Variants in SNRPG observed in about 807,000 individuals in gnomAD.
SNRPG encodes small nuclear ribonucleoprotein polypeptide G, also known as small nuclear ribonucleoprotein G.
In SNRPG, 3 loss-of-function variants were observed where a neutral mutation model predicts 13.9. That is an observed-to-expected ratio of 0.22 (90% CI 0.10 to 0.56). The LOEUF (loss-of-function observed/expected upper bound fraction) is 0.56. Ranked by LOEUF, SNRPG falls within the 20% of genes least tolerant of loss-of-function variation. The probability of loss-of-function intolerance (pLI) is 0.93; values close to 1 mark genes in which losing one functional copy is unlikely to be tolerated. For missense variants in SNRPG, 34 were observed against 96.1 expected (o/e 0.35, Z 2.70); for synonymous variants, 29 against 29.3 (o/e 0.99, Z 0.03).
chr2:70,285,400 T>C (rs993308767), intron 3 of SNRPG, among the ~76,000 whole-genome samples: 1 of 150,658 alleles, frequency 6.6e-6, no homozygotes, highest in East Asian at 1.9e-4. Flanking sequence ...AGTGAAACCC[T>C]GTCTCTACTA....
At chr2:70,283,767 A>C (rs1489660135) in intron 3 of SNRPG, among the ~76,000 whole-genome samples, 1 of 152,240 alleles carries the variant, frequency 6.6e-6, no homozygotes, top group Non-Finnish European at 1.5e-5. Flanking sequence ...GAGCAGATTT[A>C]AAAAAGAATG....
At chr2:70,283,096 C>CAAAAAAAAAAAAAAAAAA (rs57862220) in intron 3 of SNRPG, among the ~76,000 whole-genome samples, 8 of 14,032 alleles carry the variant, frequency 5.7e-4, no homozygotes, top group Admixed American at 2.3e-3. Flanking sequence ...TGTCTTTTGT[C>CAAAAAAAAAAAAAAAAAA]AAAAAAAAAA....
At chr2:70,285,321 C>G (rs1233656138) in intron 3 of SNRPG, among the ~76,000 whole-genome samples, 1 of 152,064 alleles carries the variant, frequency 6.6e-6, no homozygotes, top group Non-Finnish European at 1.5e-5. Flanking sequence ...CGCCTGTAAT[C>G]CCAGCACTTT....
chr2:70,289,220 TG>T, intron 2 of SNRPG, 129 bp downstream of exon 2: 3 of 543,252 alleles, frequency 5.5e-6, no homozygotes, highest in Non-Finnish European at 1.0e-5. Context: ...CCCAAAGTGC[TG>T]GGATTACAGC....
At chr2:70,289,422 G>T in intron 1 of SNRPG, 50 bp from the exon 2 acceptor site, 1 of 1,000,980 alleles carries the variant, frequency 1.0e-6, no homozygotes, top group Non-Finnish European at 1.5e-6. Context: ...AAAAATTTAA[G>T]CATAAACAAG....
chr2:70,287,560 C>T (rs1284429217), intron 3 of SNRPG, among the ~76,000 whole-genome samples: 2 of 152,316 alleles, frequency 1.3e-5, no homozygotes, highest in East Asian at 1.9e-4. Context: ...TTTACCTTGG[C>T]TACCTTAAAA....
At chr2:70,292,129 A>G (rs1311924810) in intron 1 of SNRPG, among the ~76,000 whole-genome samples, 1 of 151,696 alleles carries the variant, frequency 6.6e-6, no homozygotes, top group African/African-American at 2.4e-5. Context: ...TTGTATTTTT[A>G]TAGACACGGG....
intron 3 of SNRPG, among the ~76,000 whole-genome samples, chr2:70,282,976 C>G (rs1017248412): frequency 4.6e-5 from 7 of 151,716 alleles, no homozygotes; most frequent in African/African-American, 1.7e-4. Context: ...TGCCTGTAAT[C>G]CCAGCTACTC....
intron 3 of SNRPG, chr2:70,287,152 T>C (rs1696961631): frequency 1.7e-6 from 1 of 591,344 alleles, no homozygotes. Flanking sequence ...GAAAGAATGG[T>C]ATGTAAAAAA....
At chr2:70,286,850 T>A (rs1696954990) in intron 3 of SNRPG, among the ~76,000 whole-genome samples, 1 of 152,190 alleles carries the variant, frequency 6.6e-6, no homozygotes, top group Admixed American at 6.5e-5. Flanking sequence ...AAAAACCTAA[T>A]CTACCTTCTA....
intron 3 of SNRPG, 100 bp downstream of exon 3, chr2:70,287,968 C>T: frequency 9.2e-7 from 1 of 1,087,762 alleles, no homozygotes; most frequent in Non-Finnish European, 1.4e-6. Flanking sequence ...TCTAATCTTG[C>T]CTGTTATTTG....
chr2:70,286,426 A>G (rs923129410), intron 3 of SNRPG, among the ~76,000 whole-genome samples: 3 of 152,212 alleles, frequency 2.0e-5, no homozygotes, highest in Non-Finnish European at 4.4e-5. Context: ...TTGCCTTTTA[A>G]AATGTCTTTT....
At chr2:70,286,766 T>C (rs1218634140) in intron 3 of SNRPG, among the ~76,000 whole-genome samples, 1 of 152,248 alleles carries the variant, frequency 6.6e-6, no homozygotes, top group African/African-American at 2.4e-5. Context: ...TTCTCTAATC[T>C]TCTCAAAGCA....
At chr2:70,289,326 AC>A in intron 2 of SNRPG, 23 bp downstream of exon 2, 1 of 1,367,696 alleles carries the variant, frequency 7.3e-7, no homozygotes. Context: ...ATTAAAAAAA[AC>A]CCCAAAACAA....
At chr2:70,288,556 C>T (rs1483038554) in intron 2 of SNRPG, among the ~76,000 whole-genome samples, 1 of 152,030 alleles carries the variant, frequency 6.6e-6, no homozygotes, top group African/African-American at 2.4e-5. Flanking sequence ...CCACCGTGCC[C>T]GAGCTTTTAA....
At chr2:70,283,446 CAGCT>C (rs967850636) in intron 3 of SNRPG, among the ~76,000 whole-genome samples, 2 of 152,144 alleles carry the variant, frequency 1.3e-5, no homozygotes, top group Non-Finnish European at 2.9e-5. Context: ...TGCTTATAGG[CAGCT>C]AGAGTAAAAG....
At chr2:70,291,361 T>C (rs951764257) in intron 1 of SNRPG, 1 of 152,220 alleles carries the variant, frequency 6.6e-6, no homozygotes, top group Non-Finnish European at 1.5e-5. Flanking sequence ...TGATAAATTA[T>C]TAAAGCAGTC....
Position 70,288,195 on chromosome 2 carries a change from A to G in SNRPG, c.56-3T>C. ...ATGTCTGCCACCATTTAATTTCACT[A>G]TTAAAAAGAGAAAAAGAAGTTTTAG... On this transcript the variant is annotated splice_polypyrimidine_tract_variant and splice_region_variant and intron_variant, in intron 2 of 3. Transcript: ENST00000272348. 6.2e-7 allele frequency: 1 copy of G among 1,611,756 alleles called. No individual in the cohort carries two copies. Among genetic ancestry groups the G allele is most frequent in the Non-Finnish European group, 8.5e-7 (1 of 1,178,278 alleles).
intron 3 of SNRPG, among the ~76,000 whole-genome samples, chr2:70,282,651 A>G (rs1696822204): frequency 6.6e-6 from 1 of 152,194 alleles, no homozygotes; most frequent in Non-Finnish European, 1.5e-5. Context: ...CACTTGGGGG[A>G]ATGACAACCA....
Sources: gnomAD v4.1 joint callset for allele counts (sites outside exome capture counted in the v4.1 genomes callset) on GRCh38, gnomAD v4.1.1 for gene constraint, MANE v1.5 for transcripts, NCBI Gene and HGNC (gene_info 2026-07-23, HGNC 2026-07-21) for gene names.